The following NIPSNAP1 variants were observed in gnomAD, a reference collection of about 807,000 sequenced individuals.
NIPSNAP1 encodes protein NipSnap homolog 1.
NIPSNAP1 carries 25 observed loss-of-function variants against 49.2 expected under a neutral mutation model. The ratio of observed to expected loss-of-function variants is 0.51; its 90% CI spans 0.37 to 0.71. The LOEUF is 0.71. Ranked by LOEUF, NIPSNAP1 falls within the 30% of genes least tolerant of loss-of-function variation. NIPSNAP1 has a pLI of 0.00. For synonymous variants in NIPSNAP1, 143 were observed against 140.7 expected (o/e 1.02, Z -0.12); for missense variants, 294 against 361.0 (o/e 0.81, Z 1.50).
intron 3 of NIPSNAP1, 32 bp downstream of exon 3, chr22:29,570,130 G>A: frequency 3.7e-6 from 6 of 1,603,892 alleles, no homozygotes; most frequent in Non-Finnish European, 5.1e-6. Context: ...CACCCAAGCA[G>A]GGGATGGGAT....
chr22:29,568,433 A>G (rs556102235), intron 4 of NIPSNAP1, among the ~76,000 whole-genome samples: 40 of 150,262 alleles, frequency 2.7e-4, no homozygotes, highest in Non-Finnish European at 5.5e-4. Context: ...CAGTCAGCCA[A>G]GACTGTGCCA....
intron 6 of NIPSNAP1, 99 bp downstream of exon 6, chr22:29,561,407 G>A: frequency 6.4e-7 from 1 of 1,556,310 alleles, no homozygotes; most frequent in African/African-American, 1.4e-5. Flanking sequence ...CATAGGGAGG[G>A]AGAAGCCAGA....
rs1217221067 is a variant in NIPSNAP1 at position 29,555,394 on chromosome 22, GT to G, written c.*540del. The G allele has an allele frequency of 1.9e-5, 3 of 158,164 alleles. No homozygotes were observed. Among genetic ancestry groups the G allele is most frequent in the Non-Finnish European group, 4.2e-5 (3 of 71,252 alleles). 9.8% of individuals were successfully genotyped at this position (158,164 alleles called of 1,614,324 possible). A position where few individuals can be genotyped will look rare whatever the true frequency, so the allele number is the denominator to read the frequency against. ...AGAATGTCTGAACCTCCTCCTGACC[GT>G]GGTGACGAGGTTTGTTTGTATTTGT... On this transcript the variant is annotated 3_prime_UTR_variant, in exon 10 of 10. Coordinates refer to ENST00000216121, the MANE Select transcript of NIPSNAP1 (RefSeq NM_003634.4).
intron 3 of NIPSNAP1, chr22:29,569,860 A>G (rs578152693): frequency 1.4e-5 from 6 of 429,598 alleles, no homozygotes; most frequent in African/African-American, 1.0e-4. Flanking sequence ...TTAGCGGCGC[A>G]TGCCTGTAAT....
intron 3 of NIPSNAP1, among the ~76,000 whole-genome samples, chr22:29,569,691 AAG>A (rs994722012): frequency 2.0e-4 from 30 of 150,930 alleles, no homozygotes; most frequent in African/African-American, 5.6e-4. Flanking sequence ...AAAAAAAAAA[AAG>A]AAAGAAAGAA....
At position 29,561,122 on chromosome 22, in the gene NIPSNAP1, G is replaced by A. The variant is rs377209759; in HGVS notation, c.611+49C>T. On this transcript the variant is annotated intron_variant, in intron 7 of 9. Coordinates refer to ENST00000216121, the MANE Select transcript of NIPSNAP1 (RefSeq NM_003634.4). Reference sequence around the variant, plus strand: ...CCCACCAGGGGCCTTGGTGGGGCAGGTGAGCAGGGTACGCCTCCCCCAACC... The same window carrying A: ...CCCACCAGGGGCCTTGGTGGGGCAGATGAGCAGGGTACGCCTCCCCCAACC... 17 of 1,573,912 alleles carry A rather than the reference G, an allele frequency of 1.1e-5. No individual in the cohort carries two copies. The Admixed American group carries it at 1.2e-4, about 11-fold the overall frequency.
At chr22:29,572,257 C>G (rs2064413714) in intron 1 of NIPSNAP1, among the ~76,000 whole-genome samples, 1 of 136,436 alleles carries the variant, frequency 7.3e-6, no homozygotes, top group South Asian at 2.5e-4. Flanking sequence ...GAGCCAAGAT[C>G]GCACCATCAC....
intron 1 of NIPSNAP1, among the ~76,000 whole-genome samples, chr22:29,575,671 GC>G (rs1300467326): frequency 1.3e-5 from 2 of 151,772 alleles, no homozygotes; most frequent in Non-Finnish European, 2.9e-5. Context: ...ACTTTGGGAG[GC>G]TGACGCAAGA....
intron 1 of NIPSNAP1, among the ~76,000 whole-genome samples, chr22:29,573,430 G>C (rs1264031070): frequency 6.6e-6 from 1 of 152,156 alleles, no homozygotes; most frequent in Non-Finnish European, 1.5e-5. Flanking sequence ...GGCCGAGGCA[G>C]GCGGATCACT....
intron 1 of NIPSNAP1, among the ~76,000 whole-genome samples, chr22:29,572,273 C>CG (rs141661483): frequency 0.27 from 39,154 of 143,440 alleles, 6,272 homozygotes; most frequent in Admixed American, 0.39. Context: ...ATCACACTCC[C>CG]GCCTGGGCAA....
chr22:29,575,776 G>A (rs1309167112), intron 1 of NIPSNAP1, among the ~76,000 whole-genome samples: 3 of 151,730 alleles, frequency 2.0e-5, no homozygotes, highest in Non-Finnish European at 4.4e-5. Flanking sequence ...GTGCAGTGGC[G>A]TGATCTGGGC....
In NIPSNAP1 at chr22:29,555,293, C is replaced by T. The variant is rs970582652; in HGVS notation, c.*642G>A. Reference sequence around the variant, plus strand: ...GTTCTGAATTCTAAGTTCTACCTTCCGAGTTCCTGTTACGTGTCTGTCTCC... The same window carrying T: ...GTTCTGAATTCTAAGTTCTACCTTCTGAGTTCCTGTTACGTGTCTGTCTCC... On this transcript the variant is annotated 3_prime_UTR_variant, in exon 10 of 10. Coordinates refer to ENST00000216121, the MANE Select transcript of NIPSNAP1 (RefSeq NM_003634.4). 6 of 153,234 alleles carry T rather than the reference C, an allele frequency of 3.9e-5. 1 individual carries two copies. Among genetic ancestry groups the T allele is most frequent in the Admixed American group, 3.2e-4 (5 of 15,424 alleles). 9.5% of individuals were successfully genotyped at this position (153,234 alleles called of 1,614,324 possible).
chr22:29,567,019 G>A (rs528759185), intron 4 of NIPSNAP1, among the ~76,000 whole-genome samples: 3 of 152,268 alleles, frequency 2.0e-5, no homozygotes, highest in African/African-American at 7.2e-5. Context: ...CTACTCAGGA[G>A]GCTGAGGCAG....
intron 4 of NIPSNAP1, among the ~76,000 whole-genome samples, chr22:29,565,151 C>T (rs1425935834): frequency 6.6e-6 from 1 of 151,656 alleles, no homozygotes; most frequent in Non-Finnish European, 1.5e-5. Flanking sequence ...TTACAGTGAA[C>T]TATGATCATG....
intron 4 of NIPSNAP1, among the ~76,000 whole-genome samples, chr22:29,567,899 C>T (rs2064378422): frequency 6.6e-6 from 1 of 151,834 alleles, no homozygotes; most frequent in African/African-American, 2.4e-5. Flanking sequence ...ACTGAAAGGC[C>T]AGGCACGGTG....
Position 29,561,625 on chromosome 22 carries a change from C to A in NIPSNAP1, c.460G>T (p.Glu154Ter). The change falls in exon 6 of 10, where the codon GAG (glutamate) becomes TAG (stop). Residue 154 changes from glutamate to a stop codon, truncating the protein, a stop_gained. Coordinates refer to ENST00000216121, the MANE Select transcript of NIPSNAP1 (RefSeq NM_003634.4). LOFTEE classifies it high-confidence loss of function. ...NNKEYLEFRR[E>*]RSQMLLSRRN... ...CTGGACAGCAGCATCTGGCTCCGCT[C>A]CCTTCGGAACTCCAGGTACTCCTGT... The A allele has an allele frequency of 6.8e-6, 11 of 1,614,012 alleles. No homozygotes were observed. Among genetic ancestry groups the A allele is most frequent in the Non-Finnish European group, 8.5e-6 (10 of 1,180,010 alleles).
chr22:29,565,685 G>C (rs1292002557), intron 4 of NIPSNAP1, among the ~76,000 whole-genome samples: 1 of 151,798 alleles, frequency 6.6e-6, no homozygotes, highest in African/African-American at 2.4e-5. Context: ...TATTCCCTTA[G>C]CCACATATCA....
intron 4 of NIPSNAP1, among the ~76,000 whole-genome samples, chr22:29,564,628 G>T (rs2064357398): frequency 6.6e-6 from 1 of 151,768 alleles, no homozygotes; most frequent in Non-Finnish European, 1.5e-5. Context: ...TAGCCAGGCT[G>T]GTCTTGAACT....
In NIPSNAP1 at chr22:29,555,945, G is replaced by C; in HGVS notation, c.845C>G (p.Pro282Arg). Residue 282 changes from proline to arginine, a missense_variant, in exon 10 of 10, where the codon CCT becomes CGT. Physicochemically the swap from Pro to Arg is moderately radical, Grantham distance 103. Around this residue, in one of 4 missense-constraint regions of NIPSNAP1, gnomAD observed 146 missense variants for 219.9 expected, o/e 0.66. Transcript: ENST00000216121. ...GAGGTGTAGGCAGCATCACTGCAGAGGCGAGATCTTCAAGGGGATCATGAT... is the reference window on the plus strand; with the variant it reads ...GAGGTGTAGGCAGCATCACTGCAGACGCGAGATCTTCAAGGGGATCATGAT... ...SRIMIPLKISPLQ is the reference protein window; with the variant it reads ...SRIMIPLKISRLQ The C allele has an allele frequency of 6.4e-7, 1 of 1,551,516 alleles. No individual in the cohort carries two copies. The highest frequency in any genetic ancestry group is 8.7e-7 in the Non-Finnish European group (1 of 1,146,910).
Sources: gnomAD v4.1 joint callset for allele counts (sites outside exome capture counted in the v4.1 genomes callset) on GRCh38, gnomAD v4.1.1 for gene constraint, gnomAD v4.1.1 regional missense constraint, MANE v1.5 for transcripts, NCBI Gene and HGNC (gene_info 2026-07-23, HGNC 2026-07-21) for gene names.